The following ARID1B variants were observed in gnomAD, a reference collection of about 807,000 sequenced individuals.
The protein encoded by ARID1B is AT-rich interaction domain 1B, also known as AT-rich interactive domain-containing protein 1B.
In ARID1B, 30 loss-of-function variants were observed where a neutral mutation model predicts 212.3. The observed-to-expected ratio is 0.14, with a 90% CI of 0.11 to 0.19. The LOEUF is 0.19. Ranked by LOEUF, ARID1B falls within the 10% of genes least tolerant of loss-of-function variation. The pLI, the probability that ARID1B is intolerant of heterozygous loss-of-function variation, is 1.00. For missense variants in ARID1B, 2,891 were observed against 3,204.0 expected (o/e 0.90, Z 2.36); for synonymous variants, 1,402 against 1,301.7 (o/e 1.08, Z -1.66).
rs145635490 is a variant in ARID1B at position 157,148,677 on chromosome 6, G to A, written c.2815G>A (p.Gly939Ser). 240 of 1,610,930 alleles carry A rather than the reference G, an allele frequency of 1.5e-4. No individual in the cohort carries two copies. The African/African-American group carries it at 1.8e-3, about 12-fold the overall frequency. Residue 939 changes from glycine (G) to serine (S), a missense_variant, in exon 8 of 20, where the codon GGC becomes AGC. Physicochemically the swap from Gly to Ser is moderately conservative, Grantham distance 56. This residue lies in a region of ARID1B where 1,643 missense variants were observed against 1,544.0 expected (regional missense o/e 1.06). Transcript: ENST00000636930. This position sits in a 1 kb window ranked among gnomAD's most constrained non-coding sequence, Gnocchi z 5.6. Reference sequence around the variant, plus strand: ...TGGGGTGCCCAGTGCAAGCTACAGCGGCCCAGGGCCCGGTATGGGTATCAG... The same window carrying A: ...TGGGGTGCCCAGTGCAAGCTACAGCAGCCCAGGGCCCGGTATGGGTATCAG... ...YSGVPSASYS[G>S]PGPGMGISAN...
chr6:156,998,686 G>A (rs1380275948), intron 4 of ARID1B, among the ~76,000 whole-genome samples: 1 of 152,158 alleles, frequency 6.6e-6, no homozygotes, highest in East Asian at 1.9e-4. Flanking sequence ...TTGTTGAGCG[G>A]GGAGCTGCGA....
intron 15 of ARID1B, among the ~76,000 whole-genome samples, chr6:157,192,571 C>T (rs149260305): frequency 1.2e-4 from 18 of 152,228 alleles, no homozygotes; most frequent in South Asian, 6.2e-4. Context: ...TGAGTTGATC[C>T]GGACATAACC....
At chr6:156,939,983 A>G (rs1365007847) in intron 4 of ARID1B, 2 of 152,256 alleles carry the variant, frequency 1.3e-5, no homozygotes, top group Admixed American at 6.5e-5. Flanking sequence ...ATAAAACACT[A>G]TATAAGCACT....
At chr6:157,186,519 C>T (rs1792988259) in intron 13 of ARID1B, 1 of 471,022 alleles carries the variant, frequency 2.1e-6, no homozygotes, top group Non-Finnish European at 4.4e-6. Flanking sequence ...CGATTCACTG[C>T]CACCCACACA....
At chr6:157,160,274 C>A (rs1218736635) in intron 8 of ARID1B, among the ~76,000 whole-genome samples, 1 of 152,318 alleles carries the variant, frequency 6.6e-6, no homozygotes, top group East Asian at 1.9e-4. Flanking sequence ...AAAGCCAAAC[C>A]CTGTCCACAT....
At chr6:156,848,278 C>G (rs553903491) in intron 2 of ARID1B, among the ~76,000 whole-genome samples, 1 of 152,268 alleles carries the variant, frequency 6.6e-6, no homozygotes, top group East Asian at 1.9e-4. Flanking sequence ...GTATGTGTGG[C>G]CCAGTGCCAA....
In ARID1B at chr6:156,779,617, C is replaced by T. The variant is rs1417341938; in HGVS notation, c.1791+146C>T. On this transcript the variant is annotated intron_variant, in intron 1 of 19. Transcript: ENST00000636930. ...GCCCAAAGCCATCTTGACGGGCGGC[C>T]GCCTCCCGCCGCGGTCGGGGCGCCC... is the stretch of plus-strand genomic sequence containing the variant. 12 of 838,740 alleles carry T rather than the reference C, an allele frequency of 1.4e-5. No homozygotes were observed. The East Asian group carries it at 3.2e-4, about 22-fold the overall frequency. The allele number at this position is 838,740 out of a possible 1,614,324, so 52.0% of individuals were successfully genotyped here. A position where few individuals can be genotyped will look rare whatever the true frequency, so the allele number is the denominator to read the frequency against.
chr6:156,902,512 T>C (rs1231718669), intron 3 of ARID1B, among the ~76,000 whole-genome samples: 1 of 152,120 alleles, frequency 6.6e-6, no homozygotes, highest in South Asian at 2.1e-4. Context: ...ACATATTTTC[T>C]TGGGTTTGTT....
intron 2 of ARID1B, among the ~76,000 whole-genome samples, chr6:156,873,624 C>A (rs1786316780): frequency 6.6e-6 from 1 of 152,242 alleles, no homozygotes; most frequent in Non-Finnish European, 1.5e-5. Flanking sequence ...AGCTGTGATA[C>A]ACAGTGTGAA....
chr6:157,149,786 C>G (rs1790068731), intron 8 of ARID1B: 1 of 152,056 alleles, frequency 6.6e-6, no homozygotes, highest in Admixed American at 6.5e-5. Flanking sequence ...CGATTTTTGT[C>G]AAAGGGAAGC....
At chr6:156,935,113 A>G (rs1474768297) in intron 3 of ARID1B, among the ~76,000 whole-genome samples, 1 of 151,526 alleles carries the variant, frequency 6.6e-6, no homozygotes, top group African/African-American at 2.4e-5. Context: ...GTTTTGTTTG[A>G]CACAGGGTCT....
At chr6:156,966,486 C>T (rs1346884218) in intron 4 of ARID1B, among the ~76,000 whole-genome samples, 1 of 150,070 alleles carries the variant, frequency 6.7e-6, no homozygotes, top group Non-Finnish European at 1.5e-5. Context: ...CTCCGCCTCC[C>T]GGGTTCAAGT....
intron 15 of ARID1B, among the ~76,000 whole-genome samples, chr6:157,192,397 T>C (rs771566976): frequency 4.6e-5 from 7 of 152,030 alleles, no homozygotes; most frequent in Non-Finnish European, 8.8e-5. Context: ...AAAAATAAAT[T>C]TGTGGGGGTG....
At chr6:157,178,075 G>A (rs146822737) in intron 11 of ARID1B, among the ~76,000 whole-genome samples, 2 of 152,302 alleles carry the variant, frequency 1.3e-5, no homozygotes, top group Non-Finnish European at 2.9e-5. Flanking sequence ...CGAACCATAA[G>A]CTGGGGTGGA....
intron 4 of ARID1B, among the ~76,000 whole-genome samples, chr6:156,969,568 T>A (rs991015235): frequency 1.3e-4 from 20 of 152,186 alleles, no homozygotes; most frequent in African/African-American, 4.6e-4. Context: ...ACAAAAACAT[T>A]TAAAACCTTC....
chr6:156,889,357 C>A (rs116443349), intron 2 of ARID1B, among the ~76,000 whole-genome samples: 1 of 152,132 alleles, frequency 6.6e-6, no homozygotes, highest in Non-Finnish European at 1.5e-5. Flanking sequence ...CGATTGGATC[C>A]TCAGGAAGAA....
intron 15 of ARID1B, among the ~76,000 whole-genome samples, chr6:157,192,983 T>C (rs931942422): frequency 2.0e-5 from 3 of 152,216 alleles, no homozygotes; most frequent in Non-Finnish European, 4.4e-5. Flanking sequence ...ACAAGTAGCA[T>C]GGTCAGAGTC....
At chr6:156,962,261 T>C (rs1005558763) in intron 4 of ARID1B, among the ~76,000 whole-genome samples, 9 of 152,250 alleles carry the variant, frequency 5.9e-5, no homozygotes, top group Admixed American at 2.0e-4. Flanking sequence ...ATCACGCCAC[T>C]GCACTCCAGC....
chr6:157,139,178 A>G (rs967814694), intron 7 of ARID1B, among the ~76,000 whole-genome samples: 3 of 152,220 alleles, frequency 2.0e-5, no homozygotes. Context: ...TTACTGCAGT[A>G]ATTAACATCA....
Sources: allele counts gnomAD v4.1 joint callset (sites outside exome capture counted in the v4.1 genomes callset), GRCh38; gene constraint gnomAD v4.1.1; regional missense constraint gnomAD v4.1.1; non-coding constraint Gnocchi (gnomAD v3.1); transcripts MANE v1.5; gene names NCBI Gene and HGNC (gene_info 2026-07-23, HGNC 2026-07-21).